The following THSD7A variants were observed in gnomAD, a reference collection of about 807,000 sequenced individuals.
THSD7A encodes thrombospondin type-1 domain-containing protein 7A.
THSD7A carries 96 observed loss-of-function variants against 231.3 expected under a neutral mutation model. The ratio of observed to expected loss-of-function variants is 0.41; its 90% CI spans 0.35 to 0.49. The LOEUF is 0.49. Ranked by LOEUF, THSD7A falls within the 20% of genes least tolerant of loss-of-function variation. The pLI is 0.05. For synonymous variants in THSD7A, 940 were observed against 743.3 expected, an observed-to-expected ratio of 1.26 and a Z score of -4.30; for missense variants, 2,290 against 2,070.2, an observed-to-expected ratio of 1.11 and a Z score of -2.06.
At chr7:11,732,685 T>A (rs1318465893) in intron 1 of THSD7A, among the ~76,000 whole-genome samples, 2 of 151,860 alleles carry the variant, frequency 1.3e-5, no homozygotes, top group South Asian at 4.1e-4. Flanking sequence ...CTCTATCTTA[T>A]CCAGAGTTAA....
intron 6 of THSD7A, among the ~76,000 whole-genome samples, chr7:11,503,687 G>A (rs1034544948): frequency 3.9e-5 from 6 of 152,170 alleles, no homozygotes; most frequent in South Asian, 4.1e-4. Flanking sequence ...ACATACATGT[G>A]TCCAACAAGC....
chr7:11,459,220 A>G (rs930859602), intron 11 of THSD7A, among the ~76,000 whole-genome samples: 7 of 152,148 alleles, frequency 4.6e-5, no homozygotes, highest in Non-Finnish European at 1.0e-4. Context: ...ATCTAAATAA[A>G]TTGAGGTCCA....
chr7:11,741,263 A>G (rs1782103328), intron 1 of THSD7A, among the ~76,000 whole-genome samples: 1 of 151,608 alleles, frequency 6.6e-6, no homozygotes, highest in South Asian at 2.1e-4. Flanking sequence ...TTGACTCAGG[A>G]AAAAACTGTT....
rs1243433546 is a variant in THSD7A at position 11,476,767 on chromosome 7, A to T, written c.2018-2199T>A. Among the ~76,000 whole-genome samples, 3 of 151,048 alleles carry T rather than the reference A, an allele frequency of 2.0e-5. No homozygotes were observed. The East Asian group carries it at 5.9e-4, about 30-fold the overall frequency. ...GAGGTGGAGGTTGCAGTGAGCCAAG[A>T]TCGGGCCACTGCACTCCAGCCTGGT... On this transcript the variant is annotated intron_variant, in intron 7 of 27. Transcript: ENST00000423059.
intron 23 of THSD7A, 49 bp from the exon 24 acceptor site, chr7:11,382,665 G>A (rs764461985): frequency 1.5e-6 from 2 of 1,338,076 alleles, no homozygotes; most frequent in South Asian, 2.4e-5. Flanking sequence ...TACCCAGAAG[G>A]ACAATCATGG....
intron 4 of THSD7A, among the ~76,000 whole-genome samples, chr7:11,558,616 A>T (rs1224527564): frequency 2.6e-5 from 4 of 152,190 alleles, no homozygotes; most frequent in African/African-American, 4.8e-5. Context: ...GACCATAATT[A>T]AAGAAATTTC....
chr7:11,648,140 A>G (rs1322631857), intron 1 of THSD7A, among the ~76,000 whole-genome samples: 1 of 152,080 alleles, frequency 6.6e-6, no homozygotes, highest in Non-Finnish European at 1.5e-5. Flanking sequence ...TCTGTATTTT[A>G]GGCTACTTGT....
intron 13 of THSD7A, among the ~76,000 whole-genome samples, chr7:11,432,070 A>T (rs1039079195): frequency 6.6e-6 from 1 of 152,136 alleles, no homozygotes; most frequent in Non-Finnish European, 1.5e-5. Flanking sequence ...ATACTAATTT[A>T]CTATACAGTA....
At chr7:11,534,916 G>C (rs1788852935) in intron 6 of THSD7A, among the ~76,000 whole-genome samples, 1 of 152,202 alleles carries the variant, frequency 6.6e-6, no homozygotes. Flanking sequence ...TGCTAAGGCA[G>C]GAGGATTGCT....
chr7:11,825,048 T>G (rs1784985075), intron 1 of THSD7A, among the ~76,000 whole-genome samples: 1 of 150,268 alleles, frequency 6.7e-6, no homozygotes, highest in Admixed American at 6.6e-5. Context: ...ATACAATAAT[T>G]TTTCTATATA....
At position 11,412,670 on chromosome 7, in the gene THSD7A, T is replaced by C; in HGVS notation, c.3668A>G (p.Asp1223Gly). The C allele has an allele frequency of 6.2e-7, 1 of 1,613,804 alleles. No individual in the cohort carries two copies. The highest frequency in any genetic ancestry group is 8.5e-7 in the Non-Finnish European group (1 of 1,179,780). ...CNLNKNCYHY[D>G]YNVTDWSTCQ... ...GATCCATGTACCTGTTACATTATAA[T>C]CATAGTGGTAGCAGTTTTTGTTCAG... Residue 1223 changes from aspartate (D) to glycine (G), a missense_variant, in exon 18 of 28, where the codon GAT becomes GGT. Transcript: ENST00000423059.
chr7:11,619,117 A>G (rs73290882), intron 2 of THSD7A, among the ~76,000 whole-genome samples: 2,627 of 152,156 alleles, frequency 0.017, 75 homozygotes, highest in African/African-American at 0.06. Context: ...CCTAGAGGAC[A>G]CAAAGATAAA....
intron 1 of THSD7A, among the ~76,000 whole-genome samples, chr7:11,737,878 G>A (rs1258533035): frequency 1.3e-5 from 2 of 151,962 alleles, no homozygotes; most frequent in Non-Finnish European, 2.9e-5. Context: ...TATGATCAGT[G>A]AGTATCACTA....
rs757530898 is a variant in THSD7A, at chr7:11,831,841, G to A, written c.106C>T (p.Leu36=). 1 of 1,386,684 alleles carries A rather than the reference G, an allele frequency of 7.2e-7. No individual in the cohort carries two copies. The highest frequency in any genetic ancestry group is 2.8e-5 in the East Asian group (1 of 35,088). The allele number at this position is 1,386,684 out of a possible 1,614,324, so 85.9% of individuals were successfully genotyped here. ...GCGCCCGGGCGTAGCAGCAGCAGCA[G>A]GAGCAGCGGCAGCGGCAGCGGCAGC... The part of the protein sequence containing the change: ...LPLPLPLPLL[L]LLLLRPGAGR... Residue 36 remains leucine, a synonymous_variant, in exon 1 of 28, where the codon CTG becomes TTG. Coordinates refer to ENST00000423059, the MANE Select transcript of THSD7A (RefSeq NM_015204.3). The surrounding 1 kb of genome is among the most constrained non-coding windows in gnomAD (Gnocchi z 5.0).
At chr7:11,607,894 T>C (rs1449252129) in intron 2 of THSD7A, among the ~76,000 whole-genome samples, 1 of 152,142 alleles carries the variant, frequency 6.6e-6, no homozygotes, top group Non-Finnish European at 1.5e-5. Context: ...ATGCTCCCTA[T>C]GAAAGCTGAG....
chr7:11,556,610 G>T (rs6942864), intron 4 of THSD7A, among the ~76,000 whole-genome samples: 8 of 151,474 alleles, frequency 5.3e-5, no homozygotes, highest in African/African-American at 1.9e-4. Flanking sequence ...TTAATCTTTC[G>T]TTTTTATTTA....
chr7:11,399,998 C>T (rs1257864708), intron 23 of THSD7A, among the ~76,000 whole-genome samples: 1 of 152,064 alleles, frequency 6.6e-6, no homozygotes, highest in Non-Finnish European at 1.5e-5. Flanking sequence ...AGGATGAGTT[C>T]ATATCCTTTG....
intron 1 of THSD7A, among the ~76,000 whole-genome samples, chr7:11,698,593 ACACT>A (rs1780474277): frequency 6.6e-6 from 1 of 151,440 alleles, no homozygotes; most frequent in Non-Finnish European, 1.5e-5. Context: ...AAATTATTCC[ACACT>A]CAGGTTAAAT....
chr7:11,447,419 T>C lies in THSD7A; in HGVS notation c.2611A>G (p.Thr871Ala). 1 of 1,558,340 alleles carries C rather than the reference T, an allele frequency of 6.4e-7. No homozygotes were observed. The highest frequency in any genetic ancestry group is 8.7e-7 in the Non-Finnish European group (1 of 1,155,640). The change falls in exon 12 of 28, where the codon ACT becomes GCT. Residue 871 changes from threonine to alanine, a missense_variant. Coordinates refer to ENST00000423059, the MANE Select transcript of THSD7A (RefSeq NM_015204.3). Reference sequence around the variant, plus strand: ...TGTCCTCCATCTTGCTTGCGACAAGTAATGGCTAAAAGAAAAGCATAAAGC... The same window carrying C: ...TGTCCTCCATCTTGCTTGCGACAAGCAATGGCTAAAAGAAAAGCATAAAGC... ...CGPGRQARAI[T>A]CRKQDGGQAG...
Sources: gnomAD v4.1 joint callset for allele counts (sites outside exome capture counted in the v4.1 genomes callset) on GRCh38, gnomAD v4.1.1 for gene constraint, Gnocchi (gnomAD v3.1) non-coding constraint, MANE v1.5 for transcripts, NCBI Gene and HGNC (gene_info 2026-07-23, HGNC 2026-07-21) for gene names.